The following EP400 variants were observed in gnomAD, a reference collection of about 807,000 sequenced individuals.
EP400 encodes the protein E1A binding protein p400, also known as E1A-binding protein p400.
Under a neutral mutation model 354.1 loss-of-function variants are expected in EP400, and 105 were observed. That is an observed-to-expected ratio of 0.30 (90% CI 0.25 to 0.35). The LOEUF is 0.35. EP400 is among the 10% of genes least tolerant of loss of function. The pLI, the probability that EP400 is intolerant of heterozygous loss-of-function variation, is 1.00. For synonymous variants in EP400, 1,646 were observed against 1,716.9 expected, an observed-to-expected ratio of 0.96 and a Z score of 1.02; for missense variants, 3,280 against 4,121.0, an observed-to-expected ratio of 0.80 and a Z score of 5.59.
At position 132,064,732 on chromosome 12, in the gene EP400, C is replaced by T. The variant is rs199734765; in HGVS notation, c.8399C>T (p.Ala2800Val). ...CCCCCGCAGCCCCCACCGCCACAGG[C>T]CCAGTCTGCGCCCCCGCAGCCAACA... is the stretch of plus-strand genomic sequence containing the variant. ...QMPPQPPPPQAQSAPPQPTAQ... is the reference protein window; with the variant it reads ...QMPPQPPPPQVQSAPPQPTAQ... Residue 2800 changes from alanine (A) to valine (V), a missense_variant, in exon 48 of 53, where the codon GCC becomes GTC. Transcript: ENST00000389561. 49 of 1,613,676 alleles carry T rather than the reference C, an allele frequency of 3.0e-5. No individual in the cohort carries two copies. The highest frequency in any genetic ancestry group is 6.7e-5 in the East Asian group (3 of 44,878).
intron 1 of EP400, among the ~76,000 whole-genome samples, chr12:131,957,518 T>C (rs867674275): frequency 1.3e-5 from 2 of 150,218 alleles, no homozygotes; most frequent in African/African-American, 4.9e-5. Flanking sequence ...TTGATTTTTC[T>C]TTCTTTCTTT....
In EP400 at chr12:131,994,770, G is replaced by A; in HGVS notation, c.2738-97G>A. On this transcript the variant is annotated intron_variant, in intron 11 of 52. Coordinates refer to ENST00000389561, the MANE Select transcript of EP400 (RefSeq NM_015409.5). This position sits in a 1 kb window ranked among gnomAD's most constrained non-coding sequence, Gnocchi z 4.6. ...AAGCTCAGTTTCAATTTCTGTAATA[G>A]CTATGCAAAATAATTTCGAAGCCTT... is the stretch of plus-strand genomic sequence containing the variant. 1.1e-6 allele frequency: 1 copy of A among 944,516 alleles called. No individual in the cohort carries two copies. 58.5% of individuals were successfully genotyped at this position (944,516 alleles called of 1,614,324 possible).
intron 13 of EP400, among the ~76,000 whole-genome samples, chr12:132,005,802 A>G (rs185468446): frequency 3.3e-5 from 5 of 152,206 alleles, no homozygotes; most frequent in African/African-American, 1.2e-4. Flanking sequence ...TGAGACACCT[A>G]CATGTATCTC....
chr12:131,991,172 G>T (rs1893020390), intron 9 of EP400, among the ~76,000 whole-genome samples: 1 of 152,184 alleles, frequency 6.6e-6, no homozygotes, highest in Non-Finnish European at 1.5e-5. Flanking sequence ...TGGGCATTGT[G>T]TTCCCCCATT....
intron 3 of EP400, 142 bp from the exon 4 acceptor site, chr12:131,981,347 T>A: frequency 1.6e-6 from 1 of 639,590 alleles, no homozygotes; most frequent in Non-Finnish European, 2.7e-6. Flanking sequence ...TTATCAGCCT[T>A]ATGTTTTATG....
At chr12:132,064,608 T>C (rs1895826064) in intron 47 of EP400, 60 bp from the exon 48 acceptor site, 6 of 1,572,714 alleles carry the variant, frequency 3.8e-6, no homozygotes, top group Non-Finnish European at 5.2e-6. Flanking sequence ...GAACAAGATG[T>C]CTACTTAAAG....
chr12:132,011,600 T>C lies in EP400; in HGVS notation c.3407T>C (p.Ile1136Thr). 1.2e-6 allele frequency: 2 copies of C among 1,613,610 alleles called. No homozygotes were observed. The highest frequency in any genetic ancestry group is 2.2e-5 in the East Asian group (1 of 44,852). ...CCCGGACTCAAAATCCTCTCATATA[T>C]TGGCAGCCACAGAGAACTCAAAGCA... ...WCPGLKILSY[I>T]GSHRELKAKR... The change falls in exon 16 of 53, where the codon ATT becomes ACT. Residue 1136 changes from isoleucine (I) to threonine (T), a missense_variant. Around this residue, in one of 20 missense-constraint regions of EP400, gnomAD observed 242 missense variants for 357.9 expected, o/e 0.68. Coordinates refer to ENST00000389561, the MANE Select transcript of EP400 (RefSeq NM_015409.5).
intron 30 of EP400, among the ~76,000 whole-genome samples, chr12:132,032,792 G>A (rs1236265646): frequency 6.6e-5 from 10 of 151,810 alleles, no homozygotes; most frequent in African/African-American, 1.7e-4. Flanking sequence ...CACCACGACC[G>A]GCTAGTTTTT....
intron 19 of EP400, among the ~76,000 whole-genome samples, chr12:132,015,100 G>A (rs758574446): frequency 1.3e-5 from 2 of 152,238 alleles, no homozygotes; most frequent in African/African-American, 4.8e-5. Context: ...GGGCACCCTC[G>A]AGAGGCAGGT....
At chr12:132,036,763 T>C (rs187541953) in intron 30 of EP400, among the ~76,000 whole-genome samples, 8 of 152,372 alleles carry the variant, frequency 5.3e-5, no homozygotes, top group Admixed American at 5.2e-4. Context: ...TGTAGTAATA[T>C]AATCAAGAAA....
At position 131,982,213 on chromosome 12, in the gene EP400, C is replaced by T. The variant is rs1016376467; in HGVS notation, c.1664C>T (p.Pro555Leu). The T allele has an allele frequency of 3.7e-6, 6 of 1,613,762 alleles. No homozygotes were observed. The highest frequency in any genetic ancestry group is 1.7e-5 in the Admixed American group (1 of 59,990). ...GCTGCCAGCTTGCACACCCCACTGC[C>T]GCAGCTGCCCGGGAGGCTGCCCCCA... Reference protein sequence around the residue: ...QNAASLHTPLPQLPGRLPPAG... With the variant: ...QNAASLHTPLLQLPGRLPPAG... The change falls in exon 5 of 53, where the codon CCG becomes CTG. Residue 555 changes from proline to leucine, a missense_variant. This residue lies in a region of EP400 where 800 missense variants were observed against 840.0 expected (regional missense o/e 0.95). Transcript: ENST00000389561.
intron 11 of EP400, among the ~76,000 whole-genome samples, chr12:131,993,600 A>T (rs1426702489): frequency 3.9e-5 from 6 of 152,158 alleles, no homozygotes; most frequent in African/African-American, 9.7e-5. Context: ...AACAACGGGG[A>T]TATATTCTGA....
intron 12 of EP400, among the ~76,000 whole-genome samples, chr12:132,004,606 A>C (rs371877335): frequency 2.0e-5 from 3 of 152,216 alleles, no homozygotes; most frequent in East Asian, 3.9e-4. Flanking sequence ...AGATTATTTC[A>C]GATATTTTAA....
chr12:131,954,685 A>G (rs1238327111), intron 1 of EP400, among the ~76,000 whole-genome samples: 2 of 133,582 alleles, frequency 1.5e-5, no homozygotes. Context: ...AAATCACGCC[A>G]GTGCACTCCA....
chr12:132,025,672 C>A lies in EP400; in HGVS notation c.4882C>A (p.Pro1628Thr). ...CAGCGTCCTCCAGATCGTGTCCGCC[C>A]CCGGGCAGCCCTACCTTCGAGCCCC... ...QGSVLQIVSA[P>T]GQPYLRAPGP... Residue 1628 changes from proline to threonine, a missense_variant, in exon 25 of 53, where the codon CCC becomes ACC. Coordinates refer to ENST00000389561, the MANE Select transcript of EP400 (RefSeq NM_015409.5). The surrounding 1 kb of genome is among the most constrained non-coding windows in gnomAD (Gnocchi z 4.1). The A allele has an allele frequency of 6.2e-7, 1 of 1,610,678 alleles. No homozygotes were observed. The highest frequency in any genetic ancestry group is 8.5e-7 in the Non-Finnish European group (1 of 1,178,628).
chr12:132,045,583 C>T (rs1467396565), intron 38 of EP400, 23 bp downstream of exon 38: 1 of 1,612,330 alleles, frequency 6.2e-7, no homozygotes, highest in Non-Finnish European at 8.5e-7. Context: ...GGTCTTTGTG[C>T]CAGCGGTCAT....
At chr12:132,023,355 C>G (rs1462661712) in intron 23 of EP400, among the ~76,000 whole-genome samples, 2 of 137,732 alleles carry the variant, frequency 1.5e-5, no homozygotes, top group Admixed American at 1.5e-4. Flanking sequence ...GGGTTTTCAC[C>G]CTGTTGTCCA....
chr12:132,068,074 CGTGAGGGGGACACG>C (rs1171013430), intron 50 of EP400: 1 of 152,434 alleles, frequency 6.6e-6, no homozygotes, highest in Non-Finnish European at 1.5e-5. Context: ...TGTTGAAGGA[CGTGAGGGGGACACG>C]GTGGTGAGAC....
Position 132,030,283 on chromosome 12 carries a change from C to T in EP400, c.5754+125C>T. ...GAAAGGGGAGGGACTTAATGAGCTT[C>T]TGAACTTTTTAAAGTCTCAATCCAT... On this transcript the variant is annotated intron_variant, in intron 29 of 52. Coordinates refer to ENST00000389561, the MANE Select transcript of EP400 (RefSeq NM_015409.5). The T allele has an allele frequency of 4.3e-6, 5 of 1,157,434 alleles. No homozygotes were observed. The East Asian group carries it at 1.2e-4, about 28-fold the overall frequency. 71.7% of individuals were successfully genotyped at this position (1,157,434 alleles called of 1,614,324 possible). A position where few individuals can be genotyped will look rare whatever the true frequency, so the allele number is the denominator to read the frequency against.
Sources: allele counts gnomAD v4.1 joint callset (sites outside exome capture counted in the v4.1 genomes callset), GRCh38; gene constraint gnomAD v4.1.1; regional missense constraint gnomAD v4.1.1; non-coding constraint Gnocchi (gnomAD v3.1); transcripts MANE v1.5; gene names NCBI Gene and HGNC (gene_info 2026-07-23, HGNC 2026-07-21).